The following FAR2 variants were observed in gnomAD, a reference collection of about 807,000 sequenced individuals.
The protein encoded by FAR2 is epididymis secretory protein Li 81.
FAR2 carries 19 observed loss-of-function variants against 56.0 expected under a neutral mutation model. That is an observed-to-expected ratio of 0.34 (90% CI 0.24 to 0.50). FAR2 has a LOEUF of 0.50. FAR2 is among the 20% of genes least tolerant of loss of function. The pLI is 0.98. For synonymous variants in FAR2, 219 were observed against 218.8 expected (o/e 1.00, Z -0.01); for missense variants, 508 against 642.2 (o/e 0.79, Z 2.26).
chr12:29,156,378 G>A (rs1949727460), intron 1 of FAR2: 1 of 152,176 alleles, frequency 6.6e-6, no homozygotes, highest in Non-Finnish European at 1.5e-5. Flanking sequence ...GACAATGCCA[G>A]TTTTTGTTGA....
intron 1 of FAR2, among the ~76,000 whole-genome samples, chr12:29,175,331 TCTG>T (rs1949927240): frequency 1.3e-5 from 2 of 151,922 alleles, no homozygotes; most frequent in South Asian, 4.1e-4. Flanking sequence ...GGGTCTGGAG[TCTG>T]TTCCTTCAGA....
rs564411945 is a variant in FAR2, at chr12:29,326,790, A to T, written c.1257+4866A>T. On this transcript the variant is annotated intron_variant, in intron 10 of 11. Coordinates refer to ENST00000536681, the MANE Select transcript of FAR2 (RefSeq NM_001271783.2). ...AGCTATCTATGAAAAACCCACAGCC[A>T]ATATCATACTGAATGGACAAAAACT... 1.6e-4 allele frequency among the ~76,000 whole-genome samples: 25 copies of T among 152,248 alleles called. No homozygotes were observed. In the South Asian group the frequency reaches 5.2e-3, roughly 32 times the overall value.
At chr12:29,203,795 C>T (rs967363349) in intron 1 of FAR2, among the ~76,000 whole-genome samples, 4 of 151,652 alleles carry the variant, frequency 2.6e-5, no homozygotes, top group South Asian at 2.1e-4. Flanking sequence ...GTCAGGAGAT[C>T]GAGACCATCC....
At chr12:29,248,538 G>T (rs537912065) in intron 1 of FAR2, among the ~76,000 whole-genome samples, 1 of 152,312 alleles carries the variant, frequency 6.6e-6, no homozygotes, top group African/African-American at 2.4e-5. Context: ...GAGGCAGGGC[G>T]AGATCACAGG....
chr12:29,165,472 A>G (rs753451456), intron 1 of FAR2, among the ~76,000 whole-genome samples: 7 of 152,226 alleles, frequency 4.6e-5, no homozygotes, highest in Non-Finnish European at 8.8e-5. Flanking sequence ...AGCAATTAAC[A>G]TAAAAATATA....
At chr12:29,223,979 G>A (rs917229696) in intron 1 of FAR2, 2 of 152,200 alleles carry the variant, frequency 1.3e-5, no homozygotes, top group Non-Finnish European at 2.9e-5. Context: ...ATCTTAGGGT[G>A]AGAGACTGGT....
At chr12:29,278,855 G>A (rs1948742956) in intron 2 of FAR2, among the ~76,000 whole-genome samples, 1 of 152,258 alleles carries the variant, frequency 6.6e-6, no homozygotes, top group Non-Finnish European at 1.5e-5. Flanking sequence ...ACTAGAAATG[G>A]AGACTCCTAA....
rs10047547 is a variant in FAR2 at position 29,294,264 on chromosome 12, G to A, written c.365+789G>A. On this transcript the variant is annotated intron_variant, in intron 3 of 11. Transcript: ENST00000536681. ...ATTGGCATTTTGTTCTTTGTGAAATGCCTATTGATGTTCTTTGCCTATTTT... is the reference window on the plus strand; with the variant it reads ...ATTGGCATTTTGTTCTTTGTGAAATACCTATTGATGTTCTTTGCCTATTTT... Among the ~76,000 whole-genome samples the A allele has an allele frequency of 5.7e-3, 863 of 152,182 alleles. 10 individuals are homozygous for A. Among genetic ancestry groups the A allele is most frequent in the African/African-American group, 0.02 (825 of 41,520 alleles).
intron 11 of FAR2, chr12:29,332,987 AT>A (rs1358984324): frequency 2.0e-6 from 1 of 507,688 alleles, no homozygotes; most frequent in African/African-American, 1.9e-5. Flanking sequence ...GCCCATGGTA[AT>A]TGCATAGTAA....
At chr12:29,173,996 G>A (rs184592533) in intron 1 of FAR2, among the ~76,000 whole-genome samples, 50 of 152,178 alleles carry the variant, frequency 3.3e-4, no homozygotes, top group East Asian at 1.7e-3. Context: ...ACACATTCTC[G>A]AAAACCTGTT....
At chr12:29,155,052 T>C (rs1175713379) in intron 1 of FAR2, among the ~76,000 whole-genome samples, 3 of 152,238 alleles carry the variant, frequency 2.0e-5, no homozygotes, top group African/African-American at 7.2e-5. Flanking sequence ...AAAACAACCC[T>C]GCTCTGTGGA....
intron 1 of FAR2, among the ~76,000 whole-genome samples, chr12:29,178,755 T>C (rs1949963998): frequency 6.6e-6 from 1 of 152,234 alleles, no homozygotes; most frequent in South Asian, 2.1e-4. Context: ...ATTCAAAAAA[T>C]ATCTTCCTTT....
chr12:29,198,927 T>G (rs776799533), intron 1 of FAR2, among the ~76,000 whole-genome samples: 1 of 152,206 alleles, frequency 6.6e-6, no homozygotes, highest in Non-Finnish European at 1.5e-5. Context: ...AATCATTTAT[T>G]CTGTGTGCCA....
At chr12:29,290,309 G>C (rs937016467) in intron 2 of FAR2, among the ~76,000 whole-genome samples, 2 of 152,090 alleles carry the variant, frequency 1.3e-5, no homozygotes, top group African/African-American at 4.8e-5. Flanking sequence ...GGCCAGACAT[G>C]GTGGTGCATA....
At chr12:29,150,375 A>G (rs1247044587) in intron 1 of FAR2, among the ~76,000 whole-genome samples, 2 of 152,170 alleles carry the variant, frequency 1.3e-5, no homozygotes, top group Non-Finnish European at 2.9e-5. Context: ...TGCCCCCATT[A>G]TGTGATGAGC....
chr12:29,308,953 C>A (rs1949301800), intron 5 of FAR2, among the ~76,000 whole-genome samples: 1 of 151,952 alleles, frequency 6.6e-6, no homozygotes, highest in African/African-American at 2.4e-5. Flanking sequence ...ATGATTCCTG[C>A]TAAGAAAAAC....
rs1372759962 is a variant in FAR2, at chr12:29,321,851, T to C, written c.1184T>C (p.Ile395Thr). 3 of 1,613,976 alleles carry C rather than the reference T, an allele frequency of 1.9e-6. No homozygotes were observed. Among genetic ancestry groups the C allele is most frequent in the Non-Finnish European group, 2.5e-6 (3 of 1,179,870 alleles). The change falls in exon 10 of 12, where the codon ATC becomes ACC. Residue 395 changes from isoleucine (I) to threonine (T), a missense_variant. Transcript: ENST00000536681. ...LRTVSMLEYF[I>T]NRSWEWSTYN... is the part of the protein sequence containing the mutation. ...ACTGTTTCCATGTTGGAGTATTTCA[T>C]CAACCGGAGTTGGGAATGGAGCACG...
chr12:29,196,748 C>G (rs954951428), intron 1 of FAR2, among the ~76,000 whole-genome samples: 26 of 152,054 alleles, frequency 1.7e-4, no homozygotes, highest in Middle Eastern at 3.4e-3. Flanking sequence ...TCAATGAAAA[C>G]AAAAATAGAC....
chr12:29,160,129 C>G (rs1591823416), intron 1 of FAR2, among the ~76,000 whole-genome samples: 1 of 152,190 alleles, frequency 6.6e-6, no homozygotes, highest in East Asian at 1.9e-4. Flanking sequence ...GGGGTAATGA[C>G]TGCTTTAGGA....
Sources: allele counts gnomAD v4.1 joint callset (sites outside exome capture counted in the v4.1 genomes callset), GRCh38; gene constraint gnomAD v4.1.1; transcripts MANE v1.5; gene names NCBI Gene and HGNC (gene_info 2026-07-23, HGNC 2026-07-21).